WASHC3: variants seen among roughly 807,000 people sequenced by gnomAD.
The protein encoded by WASHC3 is WASH complex subunit 3.
Under a neutral mutation model 26.1 loss-of-function variants are expected in WASHC3, and 24 were observed. The ratio of observed to expected loss-of-function variants is 0.92; its 90% CI spans 0.66 to 1.29. The LOEUF is 1.29. WASHC3 is among the 50% of genes most tolerant of loss of function. The pLI is 0.00. For missense variants in WASHC3, 214 were observed against 229.6 expected, an observed-to-expected ratio of 0.93 and a Z score of 0.44; for synonymous variants, 77 against 75.7, an observed-to-expected ratio of 1.02 and a Z score of -0.09.
At chr12:102,054,786 A>C (rs558040719) in intron 2 of WASHC3, among the ~76,000 whole-genome samples, 67 of 152,338 alleles carry the variant, frequency 4.4e-4, no homozygotes, top group African/African-American at 1.3e-3. Flanking sequence ...AATAACTGGA[A>C]ATTAAATAAC....
At chr12:102,056,975 A>C (rs1878617486) in intron 2 of WASHC3, among the ~76,000 whole-genome samples, 1 of 152,158 alleles carries the variant, frequency 6.6e-6, no homozygotes, top group Non-Finnish European at 1.5e-5. Context: ...AAAGAAAATC[A>C]AAGGTCAATA....
chr12:102,015,838 A>G (rs1876677575), intron 6 of WASHC3, among the ~76,000 whole-genome samples: 1 of 152,172 alleles, frequency 6.6e-6, no homozygotes, highest in African/African-American at 2.4e-5. Flanking sequence ...CCATTAGATT[A>G]TAATGGAGCT....
intron 1 of WASHC3, 66 bp downstream of exon 1, chr12:102,061,846 C>G: frequency 2.8e-6 from 4 of 1,428,094 alleles, no homozygotes; most frequent in Non-Finnish European, 3.8e-6. Flanking sequence ...GGTGTCTCCC[C>G]GGAAAGCTGC....
At chr12:102,054,763 G>GA (rs1878526604) in intron 2 of WASHC3, among the ~76,000 whole-genome samples, 1 of 151,878 alleles carries the variant, frequency 6.6e-6, no homozygotes, top group Non-Finnish European at 1.5e-5. Context: ...AAGGAATCTT[G>GA]AAAAAAATCA....
At chr12:102,046,737 T>C (rs1878184294) in intron 2 of WASHC3, among the ~76,000 whole-genome samples, 1 of 152,240 alleles carries the variant, frequency 6.6e-6, no homozygotes, top group Admixed American at 6.5e-5. Flanking sequence ...GTACCTTTAG[T>C]GCCCAGAATA....
At chr12:102,061,716 C>T (rs947835949) in intron 1 of WASHC3, among the ~76,000 whole-genome samples, 196 bp downstream of exon 1, 1 of 152,168 alleles carries the variant, frequency 6.6e-6, no homozygotes, top group African/African-American at 2.4e-5. Flanking sequence ...TGCACACCGT[C>T]TCCTTAATCA....
intron 5 of WASHC3, among the ~76,000 whole-genome samples, chr12:102,028,792 GAAT>G (rs1363039735): frequency 5.3e-5 from 8 of 149,690 alleles, no homozygotes; most frequent in East Asian, 1.9e-4. Context: ...TATATAATAA[GAAT>G]AATAAGAATT....
At chr12:102,054,135 T>A (rs1415019334) in intron 2 of WASHC3, among the ~76,000 whole-genome samples, 1 of 152,044 alleles carries the variant, frequency 6.6e-6, no homozygotes, top group Non-Finnish European at 1.5e-5. Context: ...GAGACAATCA[T>A]CTAATCACAA....
At chr12:102,019,358 G>A (rs1876854094) in intron 6 of WASHC3, 1 of 376,248 alleles carries the variant, frequency 2.7e-6, no homozygotes, top group Non-Finnish European at 5.2e-6. Context: ...GATCATAAAT[G>A]TTCTTACTTC....
intron 6 of WASHC3, among the ~76,000 whole-genome samples, chr12:102,024,420 G>C (rs777125916): frequency 2.8e-4 from 43 of 152,150 alleles, no homozygotes; most frequent in Non-Finnish European, 5.6e-4. Flanking sequence ...TGGATATGGA[G>C]GCATATGGTG....
intron 6 of WASHC3, among the ~76,000 whole-genome samples, chr12:102,017,293 A>T (rs1876747344): frequency 1.3e-5 from 2 of 152,204 alleles, no homozygotes; most frequent in African/African-American, 4.8e-5. Context: ...ACAATGACAA[A>T]ATCACCTACA....
intron 2 of WASHC3, among the ~76,000 whole-genome samples, chr12:102,060,792 C>G (rs1277660206): frequency 6.6e-6 from 1 of 151,656 alleles, no homozygotes; most frequent in Non-Finnish European, 1.5e-5. Flanking sequence ...CCCGTTTCTA[C>G]TAAATATAAA....
At chr12:102,032,595 G>GA (rs1024026512) in intron 5 of WASHC3, among the ~76,000 whole-genome samples, 2 of 151,800 alleles carry the variant, frequency 1.3e-5, no homozygotes, top group South Asian at 2.1e-4. Context: ...GGTTAAAAAG[G>GA]AAAAAAAAGT....
At chr12:102,051,232 T>C (rs1878382046) in intron 2 of WASHC3, among the ~76,000 whole-genome samples, 2 of 152,218 alleles carry the variant, frequency 1.3e-5, no homozygotes, top group African/African-American at 4.8e-5. Flanking sequence ...GGAAAAGTTT[T>C]CTTTTTCCTC....
chr12:102,025,930 C>T, intron 6 of WASHC3, 44 bp downstream of exon 6: 3 of 946,714 alleles, frequency 3.2e-6, no homozygotes, highest in Non-Finnish European at 4.9e-6. Flanking sequence ...CTGACAAATT[C>T]AATGTCCTGG....
At chr12:102,052,668 C>A (rs1878438863) in intron 2 of WASHC3, among the ~76,000 whole-genome samples, 1 of 152,166 alleles carries the variant, frequency 6.6e-6, no homozygotes, top group East Asian at 1.9e-4. Context: ...AGGTTCCAGG[C>A]CTGACCAGTG....
chr12:102,046,386 C>T (rs912612039), intron 2 of WASHC3, among the ~76,000 whole-genome samples: 1 of 152,100 alleles, frequency 6.6e-6, no homozygotes, highest in Non-Finnish European at 1.5e-5. Context: ...ACCCCTGCCC[C>T]CTGGGTTCAA....
chr12:102,029,964 A>C (rs191808665), intron 5 of WASHC3, among the ~76,000 whole-genome samples: 5 of 152,272 alleles, frequency 3.3e-5, no homozygotes, highest in African/African-American at 1.2e-4. Flanking sequence ...ACTCAATCAT[A>C]TCTTTGCCTT....
intron 2 of WASHC3, among the ~76,000 whole-genome samples, chr12:102,052,989 T>A (rs1354231084): frequency 6.6e-6 from 1 of 152,076 alleles, no homozygotes; most frequent in Non-Finnish European, 1.5e-5. Context: ...AGTCAGGGTC[T>A]AGGTATGTTC....
Sources: gnomAD v4.1 joint callset for allele counts (sites outside exome capture counted in the v4.1 genomes callset) on GRCh38, gnomAD v4.1.1 for gene constraint, MANE v1.5 for transcripts, NCBI Gene and HGNC (gene_info 2026-07-23, HGNC 2026-07-21) for gene names.